XPR1: variants seen among roughly 807,000 people sequenced by gnomAD.
The protein encoded by XPR1 is solute carrier family 53 member 1.
In XPR1, 28 loss-of-function variants were observed where a neutral mutation model predicts 87.5. That is an observed-to-expected ratio of 0.32 (90% CI 0.24 to 0.44). XPR1 has a LOEUF of 0.44. XPR1 is among the 20% of genes least tolerant of loss of function. The probability of loss-of-function intolerance (pLI) is 1.00; values close to 1 mark genes in which losing one functional copy is unlikely to be tolerated. For synonymous variants in XPR1, 300 were observed against 306.1 expected (o/e 0.98, Z 0.21); for missense variants, 559 against 862.3 (o/e 0.65, Z 4.41).
intron 2 of XPR1, among the ~76,000 whole-genome samples, chr1:180,756,269 A>G (rs899697891): frequency 3.3e-5 from 5 of 152,216 alleles, no homozygotes; most frequent in African/African-American, 1.2e-4. Flanking sequence ...TCAAAGAAAG[A>G]TTGAAGCTGT....
chr1:180,741,039 A>T (rs1423243670), intron 2 of XPR1, among the ~76,000 whole-genome samples: 1 of 152,186 alleles, frequency 6.6e-6, no homozygotes, highest in African/African-American at 2.4e-5. Context: ...ATGTCAATGT[A>T]TTTATGAATT....
chr1:180,843,055 A>G (rs1317727206), intron 11 of XPR1, among the ~76,000 whole-genome samples: 1 of 152,184 alleles, frequency 6.6e-6, no homozygotes, highest in East Asian at 1.9e-4. Flanking sequence ...TGTGCGCCCT[A>G]ATGAGGATTC....
intron 4 of XPR1, among the ~76,000 whole-genome samples, chr1:180,803,836 A>G (rs1226579139): frequency 2.0e-5 from 3 of 152,148 alleles, no homozygotes; most frequent in South Asian, 4.1e-4. Context: ...AAACTTTCCT[A>G]TAATATTTAA....
At chr1:180,695,398 G>A (rs922308343) in intron 2 of XPR1, among the ~76,000 whole-genome samples, 2 of 137,570 alleles carry the variant, frequency 1.5e-5, no homozygotes, top group Admixed American at 1.5e-4. Flanking sequence ...TTAGTTTAAT[G>A]TAGTCCCATT....
At chr1:180,753,605 G>A (rs1647616497) in intron 2 of XPR1, among the ~76,000 whole-genome samples, 1 of 150,650 alleles carries the variant, frequency 6.6e-6, no homozygotes, top group African/African-American at 2.4e-5. Context: ...CACTTTAGTT[G>A]CATTACTAAT....
At chr1:180,706,894 AG>A (rs1349247415) in intron 2 of XPR1, among the ~76,000 whole-genome samples, 1 of 152,198 alleles carries the variant, frequency 6.6e-6, no homozygotes, top group Non-Finnish European at 1.5e-5. Flanking sequence ...TTGGGATTAC[AG>A]GCGTGAACCA....
At chr1:180,758,163 T>A (rs1009901993) in intron 2 of XPR1, among the ~76,000 whole-genome samples, 1 of 146,610 alleles carries the variant, frequency 6.8e-6, no homozygotes, top group Non-Finnish European at 1.5e-5. Flanking sequence ...CAGCCACATT[T>A]AAAAAAGAAT....
intron 11 of XPR1, among the ~76,000 whole-genome samples, chr1:180,851,188 A>C (rs1416074567): frequency 6.6e-6 from 1 of 152,192 alleles, no homozygotes; most frequent in African/African-American, 2.4e-5. Flanking sequence ...CTTCTATTTA[A>C]CTCATGAATT....
At chr1:180,702,725 C>T (rs1657390646) in intron 2 of XPR1, among the ~76,000 whole-genome samples, 1 of 151,794 alleles carries the variant, frequency 6.6e-6, no homozygotes, top group South Asian at 2.1e-4. Flanking sequence ...TATCTGTGTT[C>T]TCATTGAGTT....
intron 9 of XPR1, among the ~76,000 whole-genome samples, chr1:180,833,326 A>T (rs189105349): frequency 3.9e-4 from 60 of 152,326 alleles, no homozygotes; most frequent in African/African-American, 1.3e-3. Context: ...CACACATAAC[A>T]ATATTAACCT....
chr1:180,788,829 A>T (rs1208276456), intron 3 of XPR1, among the ~76,000 whole-genome samples: 1 of 152,228 alleles, frequency 6.6e-6, no homozygotes, highest in Non-Finnish European at 1.5e-5. Context: ...ACAATCATAA[A>T]CCAGGTATTA....
At chr1:180,756,440 T>C (rs1647747179) in intron 2 of XPR1, among the ~76,000 whole-genome samples, 1 of 152,234 alleles carries the variant, frequency 6.6e-6, no homozygotes, top group Admixed American at 6.5e-5. Flanking sequence ...ATTTCTTCTT[T>C]GGGATAAGTC....
chr1:180,807,108 A>G (rs970137545), intron 6 of XPR1, among the ~76,000 whole-genome samples: 4 of 152,222 alleles, frequency 2.6e-5, no homozygotes, highest in African/African-American at 9.6e-5. Flanking sequence ...AATTATTATC[A>G]TACTCAATGG....
intron 2 of XPR1, among the ~76,000 whole-genome samples, chr1:180,751,209 C>T (rs1647522971): frequency 6.6e-6 from 1 of 151,932 alleles, no homozygotes. Context: ...AACAGTTTTA[C>T]AGTTTTCCTT....
intron 2 of XPR1, among the ~76,000 whole-genome samples, chr1:180,695,014 C>A (rs544988073): frequency 6.6e-6 from 1 of 152,104 alleles, no homozygotes; most frequent in Admixed American, 6.6e-5. Context: ...TTCCCACCAA[C>A]AGTGAATAAG....
chr1:180,682,127 T>C (rs569523089), intron 1 of XPR1, among the ~76,000 whole-genome samples: 17 of 151,958 alleles, frequency 1.1e-4, no homozygotes, highest in African/African-American at 3.9e-4. Context: ...TTTCCAGCTG[T>C]TCCTTAATTT....
chr1:180,646,074 C>CGT (rs1655109642), intron 1 of XPR1, among the ~76,000 whole-genome samples: 1 of 152,192 alleles, frequency 6.6e-6, no homozygotes. Flanking sequence ...TTGTTGTTAA[C>CGT]GTCGGTAGAC....
chr1:180,685,299 C>T (rs887517374), intron 2 of XPR1, among the ~76,000 whole-genome samples: 25 of 152,038 alleles, frequency 1.6e-4, no homozygotes, highest in Admixed American at 1.0e-3. Context: ...TATTGATTTG[C>T]GTATGTTGAA....
chr1:180,837,170 A>C (rs1486347848), intron 11 of XPR1, among the ~76,000 whole-genome samples: 3 of 152,142 alleles, frequency 2.0e-5, no homozygotes, highest in Non-Finnish European at 4.4e-5. Flanking sequence ...TGATTCCTCT[A>C]GTTTCTCATC....
Sources: allele counts gnomAD v4.1 joint callset (sites outside exome capture counted in the v4.1 genomes callset), GRCh38; gene constraint gnomAD v4.1.1; transcripts MANE v1.5; gene names NCBI Gene and HGNC (gene_info 2026-07-23, HGNC 2026-07-21).